NFIA: variants seen among roughly 807,000 people sequenced by gnomAD.
The protein encoded by NFIA is nuclear factor 1 A-type.
Under a neutral mutation model 62.8 loss-of-function variants are expected in NFIA, and 8 were observed. The ratio of observed to expected loss-of-function variants is 0.13; its 90% confidence interval spans 0.07 to 0.23. The LOEUF is 0.23. NFIA is among the 10% of genes least tolerant of loss of function. The pLI is 1.00. For synonymous variants in NFIA, 235 were observed against 238.1 expected, an observed-to-expected ratio of 0.99 and a Z score of 0.12; for missense variants, 410 against 642.1, an observed-to-expected ratio of 0.64 and a Z score of 3.91.
chr1:61,127,753 A>T (rs550316330), intron 2 of NFIA, among the ~76,000 whole-genome samples: 4 of 151,438 alleles, frequency 2.6e-5, no homozygotes, highest in South Asian at 2.1e-4. Flanking sequence ...CAGGCCTTTT[A>T]AAAAAAAAGT....
At chr1:61,140,502 A>G (rs1647425449) in intron 2 of NFIA, among the ~76,000 whole-genome samples, 1 of 152,124 alleles carries the variant, frequency 6.6e-6, no homozygotes, top group Admixed American at 6.5e-5. Context: ...CTAATGAGAA[A>G]TTATCATGTT....
At chr1:61,318,975 A>G (rs963079953) in intron 3 of NFIA, among the ~76,000 whole-genome samples, 4 of 152,192 alleles carry the variant, frequency 2.6e-5, no homozygotes, top group Non-Finnish European at 5.9e-5. Flanking sequence ...AACAACGTAA[A>G]TGAGTCATAA....
intron 4 of NFIA, among the ~76,000 whole-genome samples, chr1:61,339,473 TAATC>T (rs1296584587): frequency 3.9e-5 from 6 of 152,194 alleles, no homozygotes; most frequent in Non-Finnish European, 8.8e-5. Flanking sequence ...TTTCTAGTTT[TAATC>T]AACCCCTCAT....
intron 2 of NFIA, among the ~76,000 whole-genome samples, chr1:61,261,228 C>T (rs1656754719): frequency 6.6e-6 from 1 of 152,136 alleles, no homozygotes; most frequent in South Asian, 2.1e-4. Flanking sequence ...GTTGTTAAGC[C>T]AAATACCTTC....
chr1:61,153,693 G>A (rs1283182359), intron 2 of NFIA, among the ~76,000 whole-genome samples: 6 of 152,152 alleles, frequency 3.9e-5, no homozygotes, highest in African/African-American at 1.2e-4. Context: ...AAATAGTTCC[G>A]AGGTCTTCTG....
intron 1 of NFIA, among the ~76,000 whole-genome samples, chr1:61,083,087 T>C (rs1646146334): frequency 6.6e-6 from 1 of 152,162 alleles, no homozygotes; most frequent in South Asian, 2.1e-4. Context: ...AATGGCGCCC[T>C]CTTATTAATG....
chr1:61,102,692 A>G (rs1646532623), intron 2 of NFIA, among the ~76,000 whole-genome samples: 1 of 152,186 alleles, frequency 6.6e-6, no homozygotes, highest in Admixed American at 6.5e-5. Context: ...CAGTATTACC[A>G]TTAACATCTT....
At chr1:61,138,175 A>G (rs1214943194) in intron 2 of NFIA, among the ~76,000 whole-genome samples, 3 of 152,060 alleles carry the variant, frequency 2.0e-5, no homozygotes, top group Non-Finnish European at 4.4e-5. Context: ...GGCTCGCTGC[A>G]GCCTTGACCT....
At chr1:61,433,575 G>A (rs1396105898) in intron 10 of NFIA, among the ~76,000 whole-genome samples, 1 of 151,660 alleles carries the variant, frequency 6.6e-6, no homozygotes, top group African/African-American at 2.4e-5. Context: ...CACCCTTATG[G>A]TTTTGGGTCT....
At chr1:61,451,106 C>T (rs1452093848) in intron 10 of NFIA, among the ~76,000 whole-genome samples, 4 of 152,114 alleles carry the variant, frequency 2.6e-5, no homozygotes, top group Non-Finnish European at 2.9e-5. Flanking sequence ...AGATTGGCAC[C>T]GTCAGAGGTA....
chr1:61,258,460 A>G (rs1002409975), intron 2 of NFIA, among the ~76,000 whole-genome samples: 4 of 152,124 alleles, frequency 2.6e-5, no homozygotes, highest in Non-Finnish European at 5.9e-5. Flanking sequence ...TGATGTCTTT[A>G]TTTTTGTTGC....
upstream of NFIA, chr1:61,082,067 G>T: frequency 1.9e-6 from 3 of 1,541,606 alleles, no homozygotes; most frequent in Non-Finnish European, 2.6e-6. Context: ...GGTCTGCAGC[G>T]GGGGTGGGGG....
At chr1:61,415,900 G>A (rs1476951786) in intron 9 of NFIA, among the ~76,000 whole-genome samples, 4 of 152,062 alleles carry the variant, frequency 2.6e-5, no homozygotes, top group Non-Finnish European at 5.9e-5. Flanking sequence ...TTGCAACATT[G>A]ATTACAATAA....
chr1:61,116,537 G>A (rs1021681292), intron 2 of NFIA, among the ~76,000 whole-genome samples: 10 of 152,084 alleles, frequency 6.6e-5, no homozygotes, highest in Non-Finnish European at 1.2e-4. Context: ...GCATCTTCTC[G>A]ATGGTCTGTT....
At chr1:61,442,332 AACT>A (rs1308438789) in intron 10 of NFIA, among the ~76,000 whole-genome samples, 2 of 152,214 alleles carry the variant, frequency 1.3e-5, no homozygotes, top group African/African-American at 4.8e-5. Context: ...AGGTGAATGA[AACT>A]ACTATTTTAC....
intron 3 of NFIA, among the ~76,000 whole-genome samples, chr1:61,326,384 G>A (rs759430568): frequency 2.7e-4 from 41 of 152,296 alleles, no homozygotes; most frequent in Middle Eastern, 3.4e-3. Flanking sequence ...TAGTTTCCCA[G>A]TACAGACTGA....
intron 8 of NFIA, among the ~76,000 whole-genome samples, chr1:61,406,291 C>T (rs1283873303): frequency 1.3e-5 from 2 of 151,936 alleles, no homozygotes; most frequent in South Asian, 2.1e-4. Flanking sequence ...TTTTATGAAA[C>T]CAGATGCAAA....
intron 10 of NFIA, among the ~76,000 whole-genome samples, chr1:61,434,173 G>A (rs545625034): frequency 6.6e-6 from 1 of 152,210 alleles, no homozygotes; most frequent in African/African-American, 2.4e-5. Flanking sequence ...TCTGAGAGTG[G>A]TAAGGACTGG....
At chr1:61,401,937 C>T (rs1665575279) in intron 7 of NFIA, among the ~76,000 whole-genome samples, 1 of 144,166 alleles carries the variant, frequency 6.9e-6, no homozygotes, top group Non-Finnish European at 1.6e-5. Context: ...TGACCAGAGC[C>T]ATTTAACTTT....
Sources: gnomAD v4.1 joint callset for allele counts (sites outside exome capture counted in the v4.1 genomes callset) on GRCh38, gnomAD v4.1.1 for gene constraint, MANE v1.5 for transcripts, NCBI Gene and HGNC (gene_info 2026-07-23, HGNC 2026-07-21) for gene names.